Variants in TGDS observed in about 807,000 individuals in gnomAD.
The protein encoded by TGDS is UDP-D-glucose 4,6-dehydratase.
TGDS carries 47 observed loss-of-function variants against 52.3 expected under a neutral mutation model. The observed-to-expected ratio is 0.90, with a 90% confidence interval of 0.71 to 1.15. The LOEUF is 1.15. Among genes scored for constraint, TGDS ranks in the 50% most tolerant of loss-of-function variants. The pLI is 0.00. For missense variants in TGDS, 375 were observed against 418.4 expected (o/e 0.90, Z 0.90); for synonymous variants, 115 against 136.9 (o/e 0.84, Z 1.12).
chr13:94,586,152 G>A (rs1176036115), intron 4 of TGDS, among the ~76,000 whole-genome samples: 1 of 152,134 alleles, frequency 6.6e-6, no homozygotes, highest in African/African-American at 2.4e-5. Flanking sequence ...AAAGCGTACA[G>A]TAAGATGGTA....
intron 4 of TGDS, 60 bp downstream of exon 4, chr13:94,590,793 A>T: frequency 7.7e-7 from 1 of 1,295,642 alleles, no homozygotes; most frequent in Non-Finnish European, 1.1e-6. Context: ...TATAAGTATT[A>T]GGGGGGCGAG....
intron 4 of TGDS, among the ~76,000 whole-genome samples, chr13:94,588,215 G>A (rs1438647217): frequency 6.6e-6 from 1 of 151,564 alleles, no homozygotes; most frequent in African/African-American, 2.4e-5. Context: ...TCTGAGGTTG[G>A]GAGTTCAAGA....
At chr13:94,580,260 A>G (rs1237385881) in intron 6 of TGDS, among the ~76,000 whole-genome samples, 1 of 152,220 alleles carries the variant, frequency 6.6e-6, no homozygotes, top group African/African-American at 2.4e-5. Flanking sequence ...CCAGCGGATT[A>G]TTTTAAAGAC....
At position 94,574,285 on chromosome 13, in the gene TGDS, T is replaced by A. The variant is rs2139508769; in HGVS notation, c.*497A>T. 1 of 152,424 alleles carries A rather than the reference T, an allele frequency of 6.6e-6. No individual in the cohort carries two copies. Among genetic ancestry groups the A allele is most frequent in the Non-Finnish European group, 1.5e-5 (1 of 68,084 alleles). The allele number at this position is 152,424 out of a possible 1,614,324, so 9.4% of individuals were successfully genotyped here. A position where few individuals can be genotyped will look rare whatever the true frequency, so the allele number is the denominator to read the frequency against. On this transcript the variant is annotated 3_prime_UTR_variant, in exon 12 of 12. Coordinates refer to ENST00000261296, the MANE Select transcript of TGDS (RefSeq NM_014305.4). Reference sequence around the variant, plus strand: ...CAACGTAATCAATTTTACAAAATTATCAATTTAAAAAGTGTTAGATATGCT... The same window carrying A: ...CAACGTAATCAATTTTACAAAATTAACAATTTAAAAAGTGTTAGATATGCT...
At position 94,588,411 on chromosome 13, in the gene TGDS, G is replaced by A. The variant is rs146850538; in HGVS notation, c.313+2442C>T. ...GCACTCCAGCCTGGGCAATCAGCGAGACTCTGTCTCAAAAAAAAAAAAAAA... is the reference window on the plus strand; with the variant it reads ...GCACTCCAGCCTGGGCAATCAGCGAAACTCTGTCTCAAAAAAAAAAAAAAA... On this transcript the variant is annotated intron_variant, in intron 4 of 11. Coordinates refer to ENST00000261296, the MANE Select transcript of TGDS (RefSeq NM_014305.4). Among the ~76,000 whole-genome samples the A allele has an allele frequency of 6.3e-3, 687 of 108,444 alleles. 6 individuals are homozygous for A. Among genetic ancestry groups the A allele is most frequent in the African/African-American group, 0.027 (657 of 24,490 alleles). The allele number at this position is 108,444 out of a possible 152,430, so 71.1% of individuals were successfully genotyped here.
In TGDS at chr13:94,574,730, G is replaced by T; in HGVS notation, c.*52C>A. 9.0e-7 allele frequency: 1 copy of T among 1,116,526 alleles called. No individual in the cohort carries two copies. 69.2% of individuals were successfully genotyped at this position (1,116,526 alleles called of 1,614,324 possible). A position where few individuals can be genotyped will look rare whatever the true frequency, so the allele number is the denominator to read the frequency against. On this transcript the variant is annotated 3_prime_UTR_variant, in exon 12 of 12. Transcript: ENST00000261296. The stretch of plus-strand genomic sequence containing the variant: ...GTCACTTAATTTCATACCACTTGGC[G>T]AGGTAGGATAACTTTCTTCTTTGAC...
At chr13:94,588,096 TAA>T in intron 4 of TGDS, among the ~76,000 whole-genome samples, 1 of 148,466 alleles carries the variant, frequency 6.7e-6, no homozygotes, top group East Asian at 2.0e-4. Flanking sequence ...CTTTCACTAA[TAA>T]TAAGACACCA....
intron 5 of TGDS, among the ~76,000 whole-genome samples, chr13:94,582,223 G>GT (rs1336213636): frequency 1.3e-5 from 2 of 152,026 alleles, no homozygotes; most frequent in Non-Finnish European, 2.9e-5. Flanking sequence ...ATAGATTTTG[G>GT]TTTTTACAAG....
At chr13:94,586,751 A>ATTTTTTTTTTTTTTTT (rs55763244) in intron 4 of TGDS, among the ~76,000 whole-genome samples, 2 of 36,842 alleles carry the variant, frequency 5.4e-5, no homozygotes, top group African/African-American at 1.3e-4. Flanking sequence ...AAATCAAATT[A>ATTTTTTTTTTTTTTTT]TTTTTTTTTT....
intron 2 of TGDS, among the ~76,000 whole-genome samples, 184 bp downstream of exon 2, chr13:94,593,657 C>T (rs1018047748): frequency 6.6e-6 from 1 of 151,984 alleles, no homozygotes; most frequent in African/African-American, 2.4e-5. Context: ...ATAAGAAATG[C>T]AGGTTTCAAA....
At position 94,595,933 on chromosome 13, in the gene TGDS, C is replaced by G; in HGVS notation, c.86+118G>C. 13 of 1,115,856 alleles carry G rather than the reference C, an allele frequency of 1.2e-5. No homozygotes were observed. In the South Asian group the frequency reaches 1.7e-4, roughly 14 times the overall value. The allele number at this position is 1,115,856 out of a possible 1,614,324, so 69.1% of individuals were successfully genotyped here. ...TCCAGGTCGTGCATTAGGACCCTCC[C>G]CATATCAGAATAAGGACCCCTCAAA... On this transcript the variant is annotated intron_variant, in intron 1 of 11. Transcript: ENST00000261296.
intron 1 of TGDS, among the ~76,000 whole-genome samples, chr13:94,595,792 T>C (rs541688622): frequency 2.6e-4 from 40 of 152,090 alleles, no homozygotes; most frequent in African/African-American, 7.5e-4. Flanking sequence ...AGGAGTGACA[T>C]GGTGAGCACC....
intron 4 of TGDS, among the ~76,000 whole-genome samples, chr13:94,585,034 A>G: frequency 6.6e-6 from 1 of 152,056 alleles, no homozygotes; most frequent in East Asian, 1.9e-4. Flanking sequence ...ATTAAATCTC[A>G]AGGTAACCAA....
intron 4 of TGDS, among the ~76,000 whole-genome samples, chr13:94,587,841 CA>C (rs1435791409): frequency 6.6e-6 from 1 of 150,764 alleles, no homozygotes; most frequent in Non-Finnish European, 1.5e-5. Flanking sequence ...ATTAAAAATA[CA>C]AAAAATTAGC....
chr13:94,594,883 TTA>T (rs35842744), intron 1 of TGDS, among the ~76,000 whole-genome samples: 43,838 of 151,970 alleles, frequency 0.29, 7,737 homozygotes, highest in East Asian at 0.56. Context: ...AGTTTCCTGT[TTA>T]TTACTCTTGC....
intron 2 of TGDS, among the ~76,000 whole-genome samples, chr13:94,592,938 C>T (rs1889258618): frequency 6.6e-6 from 1 of 152,092 alleles, no homozygotes; most frequent in South Asian, 2.1e-4. Flanking sequence ...GGGCGGACCA[C>T]AGGTGAAGAG....
At chr13:94,584,244 T>G (rs1251580600) in intron 4 of TGDS, among the ~76,000 whole-genome samples, 1 of 152,156 alleles carries the variant, frequency 6.6e-6, no homozygotes, top group Non-Finnish European at 1.5e-5. Flanking sequence ...CCCCAGAACC[T>G]CAGAATGTGA....
intron 3 of TGDS, among the ~76,000 whole-genome samples, chr13:94,591,810 G>A (rs1446756084): frequency 6.6e-6 from 1 of 152,174 alleles, no homozygotes; most frequent in African/African-American, 2.4e-5. Flanking sequence ...TAAAAAGAGA[G>A]TTTATAGAAT....
Position 94,576,390 on chromosome 13 carries a change from G to A in TGDS, c.906C>T (p.Tyr302=), listed in dbSNP as rs372190443. The change falls in exon 11 of 12, where the codon TAC becomes TAT. Residue 302 remains tyrosine (Y), a synonymous_variant. Coordinates refer to ENST00000261296, the MANE Select transcript of TGDS (RefSeq NM_014305.4). ...CATGTATTTTTTCTGACTTCATTGG[G>A]TATCTCATGTCATTGGTGGGTCTTG... ...VNDRPTNDMR[Y]PMKSEKIHGL... 1 of 1,595,638 alleles carries A rather than the reference G, an allele frequency of 6.3e-7. No individual in the cohort carries two copies. The highest frequency in any genetic ancestry group is 1.3e-5 in the African/African-American group (1 of 74,352).
Sources: gnomAD v4.1 joint callset for allele counts (sites outside exome capture counted in the v4.1 genomes callset) on GRCh38, gnomAD v4.1.1 for gene constraint, MANE v1.5 for transcripts, NCBI Gene and HGNC (gene_info 2026-07-23, HGNC 2026-07-21) for gene names.